The following RASAL2 variants were observed in gnomAD, a reference collection of about 807,000 sequenced individuals.
RASAL2 encodes the protein RAS protein activator like 2.
RASAL2 carries 58 observed loss-of-function variants against 128.9 expected under a neutral mutation model. That is an observed-to-expected ratio of 0.45 (90% CI 0.36 to 0.56). RASAL2 has a LOEUF of 0.56. Ranked by LOEUF, RASAL2 falls within the 20% of genes least tolerant of loss-of-function variation. RASAL2 has a pLI of 0.00. For synonymous variants in RASAL2, 561 were observed against 580.8 expected (o/e 0.97, Z 0.49); for missense variants, 1,360 against 1,601.6 (o/e 0.85, Z 2.57).
At chr1:178,200,350 A>G (rs1662819297) in intron 1 of RASAL2, among the ~76,000 whole-genome samples, 1 of 152,328 alleles carries the variant, frequency 6.6e-6, no homozygotes, top group South Asian at 2.1e-4. Flanking sequence ...GAGTTATGCA[A>G]AATAAATGCG....
chr1:178,374,695 T>C (rs142910353), intron 3 of RASAL2, among the ~76,000 whole-genome samples: 9 of 152,270 alleles, frequency 5.9e-5, no homozygotes, highest in African/African-American at 2.2e-4. Flanking sequence ...GACATTCTAT[T>C]ATTCATTTTA....
chr1:178,411,524 G>T, intron 4 of RASAL2: 1 of 574,992 alleles, frequency 1.7e-6, no homozygotes, highest in South Asian at 1.9e-5. Flanking sequence ...AATCAGACAT[G>T]ACCTATTCCC....
intron 5 of RASAL2, among the ~76,000 whole-genome samples, chr1:178,425,168 T>C (rs3791024): frequency 0.07 from 10,644 of 152,004 alleles, 734 homozygotes; most frequent in African/African-American, 0.18. Flanking sequence ...AACATAGAAA[T>C]AGACACGCAC....
chr1:178,313,310 A>C (rs1428842599), intron 3 of RASAL2, among the ~76,000 whole-genome samples: 1 of 152,174 alleles, frequency 6.6e-6, no homozygotes, highest in Non-Finnish European at 1.5e-5. Flanking sequence ...AAAATAGAGA[A>C]ATTTTAAAGT....
At chr1:178,250,879 G>A (rs1440819968) in intron 1 of RASAL2, among the ~76,000 whole-genome samples, 7 of 152,134 alleles carry the variant, frequency 4.6e-5, no homozygotes, top group Admixed American at 4.6e-4. Flanking sequence ...TTATTTTACA[G>A]ATGAGTAAAA....
intron 1 of RASAL2, among the ~76,000 whole-genome samples, chr1:178,129,188 T>C (rs999439199): frequency 6.6e-6 from 1 of 152,146 alleles, no homozygotes; most frequent in Non-Finnish European, 1.5e-5. Flanking sequence ...AGCTGCACCA[T>C]TCTGCATTTC....
intron 1 of RASAL2, among the ~76,000 whole-genome samples, chr1:178,148,134 G>A (rs1469429520): frequency 2.0e-5 from 3 of 149,620 alleles, no homozygotes; most frequent in South Asian, 2.1e-4. Context: ...GTGACTATAA[G>A]CATCTACACT....
intron 1 of RASAL2, among the ~76,000 whole-genome samples, chr1:178,238,929 G>A (rs1345111616): frequency 6.6e-6 from 1 of 152,034 alleles, no homozygotes; most frequent in Non-Finnish European, 1.5e-5. Flanking sequence ...AGTAAGATGA[G>A]TAATGACTCT....
chr1:178,219,160 A>G (rs1259449007), intron 1 of RASAL2, among the ~76,000 whole-genome samples: 1 of 152,138 alleles, frequency 6.6e-6, no homozygotes, highest in African/African-American at 2.4e-5. Flanking sequence ...GCTAGCTTCA[A>G]ACTTTTCTTC....
At chr1:178,341,514 G>C in intron 3 of RASAL2, 1 of 1,606,870 alleles carries the variant, frequency 6.2e-7, no homozygotes, top group East Asian at 2.2e-5. Context: ...GCGAGCACAG[G>C]CGAGTACAGT....
At chr1:178,118,080 C>T (rs1659578401) in intron 1 of RASAL2, among the ~76,000 whole-genome samples, 1 of 151,812 alleles carries the variant, frequency 6.6e-6, no homozygotes, top group African/African-American at 2.4e-5. Flanking sequence ...AGGAGAATCC[C>T]TTGAACCCGG....
At chr1:178,095,946 T>TA (rs1053785090) in intron 1 of RASAL2, among the ~76,000 whole-genome samples, 1 of 152,210 alleles carries the variant, frequency 6.6e-6, no homozygotes, top group African/African-American at 2.4e-5. Flanking sequence ...ATTCTTCTTA[T>TA]AACCAGTTCT....
intron 3 of RASAL2, among the ~76,000 whole-genome samples, chr1:178,317,920 G>T (rs1464042886): frequency 3.3e-5 from 5 of 151,668 alleles, no homozygotes; most frequent in African/African-American, 1.2e-4. Flanking sequence ...GCTTTCTCTT[G>T]TGGGCATTTA....
intron 4 of RASAL2, among the ~76,000 whole-genome samples, chr1:178,414,395 A>C (rs1048249644): frequency 6.6e-6 from 1 of 152,216 alleles, no homozygotes; most frequent in Non-Finnish European, 1.5e-5. Flanking sequence ...ACATATCACC[A>C]TGCATTTGTC....
chr1:178,310,769 T>G (rs1447776710), intron 3 of RASAL2, among the ~76,000 whole-genome samples: 5 of 152,196 alleles, frequency 3.3e-5, no homozygotes, highest in Non-Finnish European at 7.3e-5. Flanking sequence ...CTCAAACTGT[T>G]ACCCAATTAC....
intron 15 of RASAL2, among the ~76,000 whole-genome samples, 155 bp downstream of exon 15, chr1:178,464,567 G>GGTGTGTGTGTGTGT (rs58822651): frequency 0.033 from 4,850 of 145,050 alleles, 196 homozygotes; most frequent in African/African-American, 0.092. Context: ...ATAGGTCAGT[G>GGTGTGTGTGTGTGT]GTGTGTGTGT....
At chr1:178,468,016 G>A (rs1472204548) in intron 17 of RASAL2, among the ~76,000 whole-genome samples, 1 of 152,194 alleles carries the variant, frequency 6.6e-6, no homozygotes, top group African/African-American at 2.4e-5. Flanking sequence ...AAAGGTTGTT[G>A]AAATCAGAAC....
At chr1:178,318,364 CGTT>C (rs1456698933) in intron 3 of RASAL2, among the ~76,000 whole-genome samples, 2 of 141,124 alleles carry the variant, frequency 1.4e-5, no homozygotes, top group Admixed American at 6.9e-5. Flanking sequence ...CTTTCTGTCT[CGTT>C]GATCTGTCTA....
intron 1 of RASAL2, among the ~76,000 whole-genome samples, chr1:178,129,923 G>A (rs1660040119): frequency 6.6e-6 from 1 of 151,632 alleles, no homozygotes; most frequent in Admixed American, 6.6e-5. Context: ...TTTTCTTTTT[G>A]ACACTAGTAC....
Sources: gnomAD v4.1 joint callset for allele counts (sites outside exome capture counted in the v4.1 genomes callset) on GRCh38, gnomAD v4.1.1 for gene constraint, MANE v1.5 for transcripts, NCBI Gene and HGNC (gene_info 2026-07-23, HGNC 2026-07-21) for gene names.